The following FAAH2 variants were observed in gnomAD, a reference collection of about 807,000 sequenced individuals.
FAAH2 encodes fatty acid amide hydrolase 2, also known as fatty-acid amide hydrolase 2.
A neutral mutation model predicts 36.9 loss-of-function variants in FAAH2; 60 were observed. The observed-to-expected ratio is 1.63, with a 90% CI of 1.32 to 2.02. FAAH2 has a LOEUF of 2.02. Among genes scored for constraint, FAAH2 ranks in the 30% most tolerant of loss-of-function variants. The pLI, the probability that FAAH2 is intolerant of heterozygous loss-of-function variation, is 0.00. For missense variants in FAAH2, 689 were observed against 397.5 expected (o/e 1.73, Z -6.23); for synonymous variants, 214 against 143.8 (o/e 1.49, Z -3.49).
chrX:57,235,449 A>C, the FAAH2 span, among the ~76,000 whole-genome samples: 1 of 111,527 alleles, frequency 9.0e-6, no homozygotes, highest in Admixed American at 9.5e-5. Context: ...CTCTACTTTA[A>C]TACTATCATC....
intron 5 of FAAH2, among the ~76,000 whole-genome samples, chrX:57,366,159 C>G (rs183914533): frequency 7.0e-4 from 78 of 111,724 alleles, no homozygotes; most frequent in African/African-American, 2.5e-3. Context: ...TTTCTTTTTT[C>G]CATCTGTGTG....
At chrX:57,404,622 A>G (rs955908452) in intron 7 of FAAH2, among the ~76,000 whole-genome samples, 2 of 111,759 alleles carry the variant, frequency 1.8e-5, no homozygotes, top group Non-Finnish European at 3.8e-5. Context: ...CTAGGGGCCT[A>G]AGGATGCAGC....
chrX:57,254,410 TG>T, the FAAH2 span, among the ~76,000 whole-genome samples: 24 of 111,969 alleles, frequency 2.1e-4, no homozygotes, highest in Non-Finnish European at 3.6e-4. Context: ...AACTCAACTC[TG>T]GATCAAGTGA....
chrX:57,231,465 T>A, the FAAH2 span, among the ~76,000 whole-genome samples: 1 of 112,000 alleles, frequency 8.9e-6, no homozygotes, highest in Non-Finnish European at 1.9e-5. Context: ...CTATTTTGCC[T>A]ATTTTTTAGC....
At chrX:57,475,975 C>T (rs1006635920) in intron 10 of FAAH2, among the ~76,000 whole-genome samples, 3 of 111,255 alleles carry the variant, frequency 2.7e-5, no homozygotes, top group Non-Finnish European at 5.7e-5. Flanking sequence ...GGAGTTCAAT[C>T]ATGATTTGGC....
chrX:57,190,208 A>G, the FAAH2 span, among the ~76,000 whole-genome samples: 1 of 109,491 alleles, frequency 9.1e-6, no homozygotes, highest in Non-Finnish European at 1.9e-5. Flanking sequence ...TGTCACGGGA[A>G]AACTGCCTAC....
chrX:57,410,905 C>T (rs1223669884), intron 7 of FAAH2, among the ~76,000 whole-genome samples: 1 of 111,562 alleles, frequency 9.0e-6, no homozygotes. Context: ...ATTTTGAATT[C>T]TTTGTCAGGC....
chrX:57,407,100 T>A (rs979650773), intron 7 of FAAH2, among the ~76,000 whole-genome samples: 2 of 112,196 alleles, frequency 1.8e-5, no homozygotes, highest in Non-Finnish European at 3.8e-5. Flanking sequence ...ATTCCCATAA[T>A]GGTGGCTCAT....
chrX:57,284,456 C>A (rs1443028436), upstream of FAAH2, among the ~76,000 whole-genome samples: 3 of 111,550 alleles, frequency 2.7e-5, no homozygotes, highest in East Asian at 8.4e-4. Context: ...TTTTAAAAAG[C>A]AGGAAATTTA....
chrX:57,333,612 T>C (rs956237687), intron 4 of FAAH2, among the ~76,000 whole-genome samples: 2 of 108,143 alleles, frequency 1.8e-5, no homozygotes, highest in African/African-American at 3.4e-5. Flanking sequence ...AAAAAAAATA[T>C]AACAGAAATG....
chrX:57,306,992 C>CATATATATATATATAT (rs1569245607), intron 2 of FAAH2, among the ~76,000 whole-genome samples: 2 of 8,038 alleles, frequency 2.5e-4, no homozygotes, highest in East Asian at 0.011. Context: ...CACACACACA[C>CATATATATATATATAT]AGATACATAT....
intron 3 of FAAH2, among the ~76,000 whole-genome samples, chrX:57,317,265 G>A (rs2052869216): frequency 8.9e-6 from 1 of 112,247 alleles, no homozygotes; most frequent in Non-Finnish European, 1.9e-5. Flanking sequence ...CTGTATTCAG[G>A]AGATCCATTG....
the FAAH2 span, among the ~76,000 whole-genome samples, chrX:57,224,050 C>T: frequency 1.8e-5 from 2 of 111,607 alleles, no homozygotes; most frequent in Non-Finnish European, 3.8e-5. Context: ...CCAAAAGCAC[C>T]CTCTTTTTAT....
At chrX:57,316,772 G>A (rs1460913975) in intron 3 of FAAH2, among the ~76,000 whole-genome samples, 1 of 111,012 alleles carries the variant, frequency 9.0e-6, no homozygotes, top group African/African-American at 3.3e-5. Flanking sequence ...TAAAAAAGTT[G>A]AGATGAAAAC....
At chrX:57,481,848 C>T (rs889513300) in intron 10 of FAAH2, among the ~76,000 whole-genome samples, 1 of 112,076 alleles carries the variant, frequency 8.9e-6, no homozygotes, top group Non-Finnish European at 1.9e-5. Context: ...GCTGAAGCTG[C>T]TCCCACAGCT....
At chrX:57,217,247 GT>G in the FAAH2 span, among the ~76,000 whole-genome samples, 158 of 96,616 alleles carry the variant, frequency 1.6e-3, no homozygotes, top group African/African-American at 4.2e-3. Context: ...TTTGACGACT[GT>G]TTTTTTTTTT....
At chrX:57,263,005 A>G in the FAAH2 span, among the ~76,000 whole-genome samples, 1 of 111,666 alleles carries the variant, frequency 9.0e-6, no homozygotes, top group Non-Finnish European at 1.9e-5. Context: ...CACATCACAC[A>G]TAATGGTAAA....
the FAAH2 span, among the ~76,000 whole-genome samples, chrX:57,271,156 A>C: frequency 3.6e-5 from 4 of 112,531 alleles, no homozygotes. Flanking sequence ...AGGGAGGGGC[A>C]TCTGCCATTG....
Position 57,310,582 on chromosome X carries a change from T to C in FAAH2, c.276-11T>C. ...TTTAGTTAAAGTTTGCATTGTTTTA[T>C]TTCTTCTTAGGTTTGAGGAAGCGAT... On this transcript the variant is annotated splice_polypyrimidine_tract_variant and intron_variant, in intron 2 of 10. Coordinates refer to ENST00000374900, the MANE Select transcript of FAAH2 (RefSeq NM_174912.4). 8.4e-7 allele frequency: 1 copy of C among 1,192,433 alleles called. No homozygotes were observed. The highest frequency in any genetic ancestry group is 1.1e-6 in the Non-Finnish European group (1 of 888,593).
Sources: allele counts gnomAD v4.1 joint callset (sites outside exome capture counted in the v4.1 genomes callset), GRCh38; gene constraint gnomAD v4.1.1; transcripts MANE v1.5; gene names NCBI Gene and HGNC (gene_info 2026-07-23, HGNC 2026-07-21).